The following RASA4B variants were observed in gnomAD, a reference collection of about 807,000 sequenced individuals.
RASA4B encodes the protein ras GTPase-activating protein 4B.
Under a neutral mutation model 24.2 loss-of-function variants are expected in RASA4B, and 2 were observed. The ratio of observed to expected loss-of-function variants is 0.08; its 90% CI spans 0.03 to 0.26. The LOEUF is 0.26. Ranked by LOEUF, RASA4B falls within the 10% of genes least tolerant of loss-of-function variation. The pLI, the probability that RASA4B is intolerant of heterozygous loss-of-function variation, is 1.00. For synonymous variants in RASA4B, 2 were observed against 125.6 expected (o/e 0.02, Z 6.58); for missense variants, 8 against 277.2 (o/e 0.03, Z 6.90).
chr7:102,499,248 CT>C (rs746780203), intron 8 of RASA4B, among the ~76,000 whole-genome samples: 7,990 of 81,156 alleles, frequency 0.098, 215 homozygotes, highest in South Asian at 0.12. Flanking sequence ...ACTGGGTGTT[CT>C]TTTTTTTTTT....
chr7:102,505,957 CA>C (rs1799484015), intron 5 of RASA4B, among the ~76,000 whole-genome samples: 1 of 125,268 alleles, frequency 8.0e-6, no homozygotes, highest in Non-Finnish European at 1.6e-5. Context: ...AGATTTTCAG[CA>C]ACTCTTTTCA....
chr7:102,512,933 G>C (rs1320076856), intron 1 of RASA4B, among the ~76,000 whole-genome samples: 3 of 151,124 alleles, frequency 2.0e-5, no homozygotes, highest in African/African-American at 4.9e-5. Context: ...ACAGAGGGAG[G>C]GGGTACTGGA....
Position 102,491,126 on chromosome 7 carries a change from G to T in RASA4B, c.1831-3C>A, listed in dbSNP as rs1798934916. On this transcript the variant is annotated splice_region_variant and splice_polypyrimidine_tract_variant and intron_variant, in intron 16 of 20. Coordinates refer to ENST00000465829, the MANE Select transcript of RASA4B (RefSeq NM_001367767.2). ...GCTAACTTGATGAGGGCGCTTTTCT[G>T]GGGCAGGCAGGGAGGAGGAGGCTCA... is the stretch of plus-strand genomic sequence containing the variant. The T allele has an allele frequency of 2.2e-6, 1 of 449,396 alleles. No homozygotes were observed. Among genetic ancestry groups the T allele is most frequent in the Non-Finnish European group, 3.8e-6 (1 of 261,890 alleles). The allele number at this position is 449,396 out of a possible 1,614,324, so 27.8% of individuals were successfully genotyped here.
At chr7:102,490,804 GCATCC>G (rs1798910256) in intron 17 of RASA4B, among the ~76,000 whole-genome samples, 177 bp downstream of exon 17, 2 of 131,250 alleles carry the variant, frequency 1.5e-5, no homozygotes, top group Non-Finnish European at 3.4e-5. Context: ...CATTCCCATA[GCATCC>G]AGGGCACTCC....
In RASA4B at chr7:102,481,166, G is replaced by A; in HGVS notation, c.*2426C>T. On this transcript the variant is annotated 3_prime_UTR_variant, in exon 21 of 21. Coordinates refer to ENST00000465829, the MANE Select transcript of RASA4B (RefSeq NM_001367767.2). The stretch of plus-strand genomic sequence containing the variant: ...GTGTTAATTACATTCACAATGTGTA[G>A]CCATCACCACTATTTAGTTCAAAAA... Among the ~76,000 whole-genome samples, 1 of 95,048 alleles carries A rather than the reference G, an allele frequency of 1.1e-5. No homozygotes were observed. Among genetic ancestry groups the A allele is most frequent in the Admixed American group, 1.1e-4 (1 of 8,872 alleles). The allele number at this position is 95,048 out of a possible 152,430, so 62.4% of individuals were successfully genotyped here. A position where few individuals can be genotyped will look rare whatever the true frequency, so the allele number is the denominator to read the frequency against.
At chr7:102,500,388 C>T (rs1397978564) in intron 8 of RASA4B, among the ~76,000 whole-genome samples, 4 of 122,630 alleles carry the variant, frequency 3.3e-5, no homozygotes, top group African/African-American at 5.7e-5. Context: ...AGGAGAATGG[C>T]GTGAACCCGG....
intron 17 of RASA4B, among the ~76,000 whole-genome samples, chr7:102,489,511 T>A (rs1258352703): frequency 4.3e-5 from 6 of 137,986 alleles, no homozygotes; most frequent in African/African-American, 1.6e-4. Flanking sequence ...TTATTTATTT[T>A]GAGATGGAGT....
rs1309454389 is a variant in RASA4B, at chr7:102,481,295, G to A, written c.*2297C>T. 5.4e-5 allele frequency among the ~76,000 whole-genome samples: 3 copies of A among 55,114 alleles called. No homozygotes were observed. The highest frequency in any genetic ancestry group is 1.0e-4 in the African/African-American group (2 of 19,896). The allele number at this position is 55,114 out of a possible 152,430, so 36.2% of individuals were successfully genotyped here. A position where few individuals can be genotyped will look rare whatever the true frequency, so the allele number is the denominator to read the frequency against. ...CTGGCCTTAAACTCCTGGCCTCAAGGTGATCCTTCTGTCTTGGCCTCCCGA... is the reference window on the plus strand; with the variant it reads ...CTGGCCTTAAACTCCTGGCCTCAAGATGATCCTTCTGTCTTGGCCTCCCGA... On this transcript the variant is annotated 3_prime_UTR_variant, in exon 21 of 21. Transcript: ENST00000465829.
Position 102,480,239 on chromosome 7 carries a change from C to G in RASA4B, c.*3353G>C, listed in dbSNP as rs899025105. 6.6e-6 allele frequency among the ~76,000 whole-genome samples: 1 copy of G among 152,140 alleles called. No individual in the cohort carries two copies. Among genetic ancestry groups the G allele is most frequent in the African/African-American group, 2.4e-5 (1 of 41,450 alleles). ...CGTTAGTGTCAAGGAAAAACACCCG[C>G]TACTTAGCAGACCAGGAAAGGGAGT... On this transcript the variant is annotated 3_prime_UTR_variant, in exon 21 of 21. Transcript: ENST00000465829.
intron 17 of RASA4B, among the ~76,000 whole-genome samples, chr7:102,489,615 C>T (rs1423589944): frequency 6.7e-6 from 1 of 149,274 alleles, no homozygotes; most frequent in Non-Finnish European, 1.5e-5. Context: ...GCCTCAGCCC[C>T]CCAAGTAGCT....
chr7:102,502,742 AG>A (rs1442970831), intron 6 of RASA4B, among the ~76,000 whole-genome samples: 11 of 127,446 alleles, frequency 8.6e-5, no homozygotes, highest in African/African-American at 2.8e-4. Context: ...CCTGGGTGAC[AG>A]GGTGGGACTT....
In RASA4B at chr7:102,489,657, T is replaced by TG. The variant is rs1467910593; in HGVS notation, c.1969-1060_1969-1059insC. Among the ~76,000 whole-genome samples, 3 of 149,514 alleles carry TG rather than the reference T, an allele frequency of 2.0e-5. No homozygotes were observed. In the East Asian group the frequency reaches 6.1e-4, roughly 30 times the overall value. ...ACAGGCACCCACCACCACACCCGGC[T>TG]ACTTTTTGTACTCTCCCTGACCACT... On this transcript the variant is annotated intron_variant, in intron 17 of 20. Transcript: ENST00000465829.
chr7:102,505,651 TAGAC>T (rs1445690551), intron 5 of RASA4B, among the ~76,000 whole-genome samples: 2 of 57,332 alleles, frequency 3.5e-5, no homozygotes, highest in African/African-American at 2.8e-4. Flanking sequence ...GTCTTCCTCT[TAGAC>T]AGGCTGACCC....
rs78785574 is a variant in RASA4B, at chr7:102,481,955, T to C, written c.*1637A>G. On this transcript the variant is annotated 3_prime_UTR_variant, in exon 21 of 21. Coordinates refer to ENST00000465829, the MANE Select transcript of RASA4B (RefSeq NM_001367767.2). The stretch of plus-strand genomic sequence containing the variant: ...CTGGAGGGCTAGGACCACCTGGAGA[T>C]GCCCCGTGTCTATGAGCTGCTGTTG... Among the ~76,000 whole-genome samples the C allele has an allele frequency of 0.14, 3,884 of 27,244 alleles. 1,486 individuals are homozygous for C. The highest frequency in any genetic ancestry group is 0.35 in the Non-Finnish European group (2,576 of 7,406). 17.9% of individuals were successfully genotyped at this position (27,244 alleles called of 152,430 possible).
chr7:102,514,800 G>A (rs532325174), intron 1 of RASA4B, among the ~76,000 whole-genome samples: 27 of 109,692 alleles, frequency 2.5e-4, no homozygotes, highest in African/African-American at 8.3e-4. Flanking sequence ...AATAGCCTTG[G>A]GCCAGTCCCC....
chr7:102,492,727 C>A (rs1230297481), intron 16 of RASA4B, among the ~76,000 whole-genome samples: 1 of 92,454 alleles, frequency 1.1e-5, no homozygotes, highest in Non-Finnish European at 2.8e-5. Flanking sequence ...TGCAGTGGCA[C>A]GATCTCGGCT....
In RASA4B at chr7:102,480,033, C is replaced by G. The variant is rs1192742242; in HGVS notation, c.*3559G>C. Among the ~76,000 whole-genome samples the G allele has an allele frequency of 6.6e-6, 1 of 151,998 alleles. No homozygotes were observed. On this transcript the variant is annotated 3_prime_UTR_variant, in exon 21 of 21. Coordinates refer to ENST00000465829, the MANE Select transcript of RASA4B (RefSeq NM_001367767.2). ...AATAATCCTCGCTCTACAATCATAA[C>G]CTAGGAAACACCAGGCCATACAGAG...
chr7:102,512,815 G>A (rs1799741229), intron 1 of RASA4B, among the ~76,000 whole-genome samples: 1 of 150,766 alleles, frequency 6.6e-6, no homozygotes, highest in African/African-American at 2.4e-5. Context: ...GGGGAGAGAG[G>A]GAGGAGAGTA....
In RASA4B at chr7:102,480,200, T is replaced by C. The variant is rs913621057; in HGVS notation, c.*3392A>G. ...AAGACACCTGTTGCCAAGCCCACCG[T>C]GGTCTAGCTGTAGCGTTAGTGTCAA... On this transcript the variant is annotated 3_prime_UTR_variant, in exon 21 of 21. Coordinates refer to ENST00000465829, the MANE Select transcript of RASA4B (RefSeq NM_001367767.2). Among the ~76,000 whole-genome samples, 15 of 152,244 alleles carry C rather than the reference T, an allele frequency of 9.9e-5. No individual in the cohort carries two copies. The highest frequency in any genetic ancestry group is 3.6e-4 in the African/African-American group (15 of 41,570).
Sources: allele counts gnomAD v4.1 joint callset (sites outside exome capture counted in the v4.1 genomes callset), GRCh38; gene constraint gnomAD v4.1.1; transcripts MANE v1.5; gene names NCBI Gene and HGNC (gene_info 2026-07-23, HGNC 2026-07-21).